The following FAM107B variants were observed in gnomAD, a reference collection of about 807,000 sequenced individuals.
FAM107B encodes the protein protein FAM107B.
In FAM107B, 21 loss-of-function variants were observed where a neutral mutation model predicts 31.5. That is an observed-to-expected ratio of 0.67 (90% CI 0.47 to 0.96). The LOEUF (loss-of-function observed/expected upper bound fraction) is 0.96, where lower values mean the gene tolerates loss of function less well. FAM107B is among the 40% of genes least tolerant of loss of function. The pLI is 0.00. For missense variants in FAM107B, 452 were observed against 377.1 expected (o/e 1.20, Z -1.64); for synonymous variants, 157 against 141.5 (o/e 1.11, Z -0.78).
In FAM107B at chr10:14,729,923, C is replaced by A. The variant is rs148350346; in HGVS notation, c.411+44330G>T. On this transcript the variant is annotated intron_variant, in intron 1 of 4. Coordinates refer to ENST00000181796, the MANE Select transcript of FAM107B (RefSeq NM_031453.4). ...TGAAGCTGGAAACCATCATTCTCAG[C>A]AAACTAACACAGGAACAGAAAACCA... Among the ~76,000 whole-genome samples the A allele has an allele frequency of 4.0e-4, 61 of 152,216 alleles. No individual in the cohort carries two copies. In the East Asian group the frequency reaches 5.2e-3, roughly 13 times the overall value.
intron 2 of FAM107B, among the ~76,000 whole-genome samples, chr10:14,559,099 CAAAAAAAAA>C (rs745765049): frequency 4.5e-5 from 4 of 88,206 alleles, no homozygotes; most frequent in East Asian, 6.8e-4. Flanking sequence ...TGTGGAACTT[CAAAAAAAAA>C]AAAAAAAAAC....
chr10:14,629,706 G>A (rs1461191236), intron 2 of FAM107B, among the ~76,000 whole-genome samples: 3 of 149,160 alleles, frequency 2.0e-5, no homozygotes, highest in Non-Finnish European at 4.4e-5. Context: ...GTAGAGGTGG[G>A]GTTTCACCAT....
Position 14,631,977 on chromosome 10 carries a change from T to C in FAM107B, c.469+35657A>G, listed in dbSNP as rs575652818. ...AAAAAAAGTGCAGGTTCCTGAGCCA[T>C]TAGGACCATTGGAATCCTCTGATAA... is the stretch of plus-strand genomic sequence containing the variant. On this transcript the variant is annotated intron_variant, in intron 2 of 4. Coordinates refer to ENST00000181796, the MANE Select transcript of FAM107B (RefSeq NM_031453.4). Among the ~76,000 whole-genome samples, 5 of 152,218 alleles carry C rather than the reference T, an allele frequency of 3.3e-5. No individual in the cohort carries two copies. The South Asian group carries it at 1.0e-3, about 32-fold the overall frequency.
At chr10:14,770,414 T>C (rs1470877234) in intron 1 of FAM107B, among the ~76,000 whole-genome samples, 1 of 151,912 alleles carries the variant, frequency 6.6e-6, no homozygotes, top group Non-Finnish European at 1.5e-5. Context: ...TCCCAGCTAC[T>C]TGGGATGCTG....
chr10:14,719,430 T>C (rs1855859647), intron 1 of FAM107B, among the ~76,000 whole-genome samples: 1 of 152,176 alleles, frequency 6.6e-6, no homozygotes, highest in Non-Finnish European at 1.5e-5. Context: ...ATCTTGAGAA[T>C]CGAAATGAAA....
chr10:14,689,537 G>A (rs1048121886), intron 1 of FAM107B, among the ~76,000 whole-genome samples: 2 of 152,206 alleles, frequency 1.3e-5, no homozygotes, highest in Non-Finnish European at 2.9e-5. Flanking sequence ...GTAATGAGAG[G>A]TAAGTACGAG....
intron 3 of FAM107B, among the ~76,000 whole-genome samples, chr10:14,524,159 A>G (rs1284879989): frequency 6.6e-6 from 1 of 151,390 alleles, no homozygotes; most frequent in Non-Finnish European, 1.5e-5. Flanking sequence ...CTCCTCCCTC[A>G]GCCTCCCGAG....
intron 2 of FAM107B, among the ~76,000 whole-genome samples, chr10:14,561,303 T>A (rs1188967959): frequency 6.6e-6 from 1 of 152,116 alleles, no homozygotes; most frequent in Non-Finnish European, 1.5e-5. Flanking sequence ...AAATATAGTA[T>A]CAGGCCGTGC....
chr10:14,688,509 G>A (rs555351657), intron 1 of FAM107B, among the ~76,000 whole-genome samples: 25 of 152,138 alleles, frequency 1.6e-4, no homozygotes, highest in Admixed American at 9.8e-4. Flanking sequence ...CCAACCAAAA[G>A]TCAACCAAAC....
chr10:14,685,051 G>A (rs1472609958), intron 1 of FAM107B, among the ~76,000 whole-genome samples: 1 of 151,994 alleles, frequency 6.6e-6, no homozygotes, highest in Non-Finnish European at 1.5e-5. Context: ...AGGGTGCCCA[G>A]GGTGGTCTCT....
chr10:14,761,034 A>AAAAAAAAAAAC (rs1554757192), intron 1 of FAM107B, among the ~76,000 whole-genome samples: 2 of 146,632 alleles, frequency 1.4e-5, no homozygotes, highest in Non-Finnish European at 3.0e-5. Context: ...AAAAAAAAAA[A>AAAAAAAAAAAC]AAGAAAGACA....
At chr10:14,745,094 G>C (rs535532332) in intron 1 of FAM107B, among the ~76,000 whole-genome samples, 9 of 152,294 alleles carry the variant, frequency 5.9e-5, no homozygotes, top group African/African-American at 2.2e-4. Flanking sequence ...CATTCGCATA[G>C]AGGTGTTTAT....
At chr10:14,579,063 C>T (rs1460874770) in intron 2 of FAM107B, among the ~76,000 whole-genome samples, 2 of 152,154 alleles carry the variant, frequency 1.3e-5, no homozygotes, top group East Asian at 1.9e-4. Context: ...GGAAAATTCC[C>T]GGTGACAAAC....
At chr10:14,605,537 T>C (rs570210404) in intron 2 of FAM107B, among the ~76,000 whole-genome samples, 3 of 152,302 alleles carry the variant, frequency 2.0e-5, no homozygotes, top group African/African-American at 7.2e-5. Context: ...GTTACGGATT[T>C]TGGTAAACAA....
chr10:14,576,585 G>C (rs1388429076), intron 2 of FAM107B, among the ~76,000 whole-genome samples: 2 of 151,688 alleles, frequency 1.3e-5, no homozygotes, highest in African/African-American at 4.9e-5. Context: ...GTGAACAGTG[G>C]GAAAACTCTC....
chr10:14,620,882 T>C (rs1852994006), intron 2 of FAM107B, among the ~76,000 whole-genome samples: 1 of 152,246 alleles, frequency 6.6e-6, no homozygotes, highest in African/African-American at 2.4e-5. Context: ...GTTTTGTACT[T>C]TCCAGCATAC....
intron 1 of FAM107B, among the ~76,000 whole-genome samples, chr10:14,671,400 G>A (rs561750774): frequency 6.6e-6 from 1 of 152,228 alleles, no homozygotes; most frequent in East Asian, 1.9e-4. Context: ...CTCTTACTAG[G>A]TCAGAGTCCC....
intron 2 of FAM107B, among the ~76,000 whole-genome samples, chr10:14,666,996 A>G (rs1854419767): frequency 3.3e-5 from 5 of 152,238 alleles, no homozygotes; most frequent in Admixed American, 3.3e-4. Flanking sequence ...CACATAAAAC[A>G]CCAAACTAAA....
At chr10:14,768,687 T>C (rs1156627336) in intron 1 of FAM107B, among the ~76,000 whole-genome samples, 2 of 152,232 alleles carry the variant, frequency 1.3e-5, no homozygotes, top group Non-Finnish European at 2.9e-5. Flanking sequence ...GTTATGTGTA[T>C]TTTATCACAA....
Sources: gnomAD v4.1 joint callset for allele counts (sites outside exome capture counted in the v4.1 genomes callset) on GRCh38, gnomAD v4.1.1 for gene constraint, MANE v1.5 for transcripts, NCBI Gene and HGNC (gene_info 2026-07-23, HGNC 2026-07-21) for gene names.